SULF1: variants seen among roughly 807,000 people sequenced by gnomAD.
SULF1 encodes sulfatase 1.
In SULF1, 46 loss-of-function variants were observed where a neutral mutation model predicts 110.5. The ratio of observed to expected loss-of-function variants is 0.42; its 90% CI spans 0.33 to 0.53. The LOEUF (loss-of-function observed/expected upper bound fraction) is 0.53. Among genes scored for constraint, SULF1 ranks in the 20% least tolerant of loss-of-function variants. SULF1 has a pLI of 0.12. For missense variants in SULF1, 941 were observed against 1,094.2 expected, an observed-to-expected ratio of 0.86 and a Z score of 1.98; for synonymous variants, 371 against 387.1, an observed-to-expected ratio of 0.96 and a Z score of 0.49.
intron 3 of SULF1, among the ~76,000 whole-genome samples, chr8:69,511,858 C>T (rs1184898733): frequency 6.6e-6 from 1 of 152,184 alleles, no homozygotes; most frequent in African/African-American, 2.4e-5. Flanking sequence ...GACTTTTTTA[C>T]AGCTACAACT....
intron 16 of SULF1, 45 bp downstream of exon 16, chr8:69,627,351 C>G: frequency 2.7e-6 from 4 of 1,468,178 alleles, no homozygotes; most frequent in Non-Finnish European, 3.8e-6. Context: ...CAAACTCAAA[C>G]TCGGCCTGCC....
chr8:69,505,417 G>T (rs1242446695), intron 3 of SULF1, among the ~76,000 whole-genome samples: 1 of 152,150 alleles, frequency 6.6e-6, no homozygotes, highest in Non-Finnish European at 1.5e-5. Flanking sequence ...ACTTAGAACA[G>T]CAACTATGTT....
chr8:69,589,741 T>C (rs1479838297), intron 8 of SULF1, among the ~76,000 whole-genome samples: 1 of 151,638 alleles, frequency 6.6e-6, no homozygotes, highest in African/African-American at 2.4e-5. Context: ...GCTGATGGCG[T>C]GGAGGGATGA....
At chr8:69,555,445 G>A (rs1009753658) in intron 3 of SULF1, among the ~76,000 whole-genome samples, 1 of 152,202 alleles carries the variant, frequency 6.6e-6, no homozygotes, top group African/African-American at 2.4e-5. Context: ...ATCACTTGAG[G>A]TCAGGAGTTC....
chr8:69,545,994 C>T (rs1444918079), intron 3 of SULF1, among the ~76,000 whole-genome samples: 2 of 152,202 alleles, frequency 1.3e-5, no homozygotes, highest in South Asian at 4.1e-4. Flanking sequence ...CATGTCCAGC[C>T]TCCACACTGT....
intron 19 of SULF1, among the ~76,000 whole-genome samples, chr8:69,636,280 T>TAC (rs1810999240): frequency 6.6e-6 from 1 of 152,114 alleles, no homozygotes; most frequent in Non-Finnish European, 1.5e-5. Flanking sequence ...CTCACACCTG[T>TAC]AATCCCAACA....
At chr8:69,550,431 G>A (rs759557815) in intron 3 of SULF1, among the ~76,000 whole-genome samples, 16 of 152,086 alleles carry the variant, frequency 1.1e-4, no homozygotes, top group South Asian at 6.2e-4. Flanking sequence ...TGTCATCCAC[G>A]TCTTGGAAAT....
At chr8:69,573,650 A>G (rs955020186) in intron 5 of SULF1, among the ~76,000 whole-genome samples, 5 of 152,192 alleles carry the variant, frequency 3.3e-5, no homozygotes, top group African/African-American at 1.2e-4. Context: ...AGAGATCTAA[A>G]GAGGAGCAAT....
At chr8:69,544,460 A>T (rs2150676468) in intron 3 of SULF1, among the ~76,000 whole-genome samples, 1 of 151,880 alleles carries the variant, frequency 6.6e-6, no homozygotes, top group Non-Finnish European at 1.5e-5. Flanking sequence ...GTAGAGATGG[A>T]GTTTCACCAT....
intron 2 of SULF1, among the ~76,000 whole-genome samples, chr8:69,499,691 C>G (rs193301386): frequency 1.3e-5 from 2 of 152,182 alleles, no homozygotes; most frequent in African/African-American, 4.8e-5. Flanking sequence ...CTTAGGCTGC[C>G]TCTGTTCTTT....
chr8:69,525,401 G>A (rs979970963), intron 3 of SULF1, among the ~76,000 whole-genome samples: 1 of 152,198 alleles, frequency 6.6e-6, no homozygotes, highest in Non-Finnish European at 1.5e-5. Context: ...TTTCCTTTTC[G>A]TGTTTATGAA....
At chr8:69,604,977 A>C (rs371161124) in intron 13 of SULF1, 45 bp downstream of exon 13, 1 of 1,598,274 alleles carries the variant, frequency 6.3e-7, no homozygotes, top group South Asian at 1.1e-5. Context: ...GTGCTTCTCC[A>C]TCTCTAATTT....
intron 3 of SULF1, among the ~76,000 whole-genome samples, chr8:69,529,167 C>T (rs962285698): frequency 2.0e-5 from 3 of 152,140 alleles, no homozygotes; most frequent in Non-Finnish European, 4.4e-5. Flanking sequence ...GGGCAGAGCT[C>T]CCGTCAGACC....
At chr8:69,630,005 G>T (rs866837717) in intron 19 of SULF1, among the ~76,000 whole-genome samples, 1 of 152,142 alleles carries the variant, frequency 6.6e-6, no homozygotes, top group South Asian at 2.1e-4. Context: ...TGAACATCCC[G>T]TAAATGGATG....
intron 3 of SULF1, among the ~76,000 whole-genome samples, chr8:69,515,112 C>T (rs537279095): frequency 5.9e-5 from 9 of 152,320 alleles, no homozygotes; most frequent in Admixed American, 5.9e-4. Context: ...CCTGTGGGAA[C>T]TTTGTGTGGG....
chr8:69,542,799 C>T (rs1016872655), intron 3 of SULF1, among the ~76,000 whole-genome samples: 24 of 151,972 alleles, frequency 1.6e-4, no homozygotes, highest in Admixed American at 9.2e-4. Flanking sequence ...TAGAAAATGA[C>T]GGAGCAGGAG....
chr8:69,570,474 T>G (rs1237243473), intron 5 of SULF1, among the ~76,000 whole-genome samples: 1 of 152,244 alleles, frequency 6.6e-6, no homozygotes, highest in Admixed American at 6.5e-5. Flanking sequence ...ATTCAGGATC[T>G]CCGTGTGATT....
At chr8:69,505,605 T>A (rs571900374) in intron 3 of SULF1, among the ~76,000 whole-genome samples, 1 of 152,270 alleles carries the variant, frequency 6.6e-6, no homozygotes, top group East Asian at 1.9e-4. Context: ...GCCCGTAGAC[T>A]GTAACAGTAA....
intron 1 of SULF1, 63 bp from the exon 2 acceptor site, chr8:69,495,702 T>G (rs1810301762): frequency 6.6e-6 from 1 of 152,248 alleles, no homozygotes; most frequent in African/African-American, 2.4e-5. Flanking sequence ...GAATACTTAT[T>G]CATAAAAAGC....
Sources: gnomAD v4.1 joint callset for allele counts (sites outside exome capture counted in the v4.1 genomes callset) on GRCh38, gnomAD v4.1.1 for gene constraint, MANE v1.5 for transcripts, NCBI Gene and HGNC (gene_info 2026-07-23, HGNC 2026-07-21) for gene names.